The following GSE1 variants were observed in gnomAD, a reference collection of about 807,000 sequenced individuals.
GSE1 encodes the protein Gse1 coiled-coil protein.
A neutral mutation model predicts 112.6 loss-of-function variants in GSE1; 32 were observed. That is an observed-to-expected ratio of 0.28 (90% CI 0.21 to 0.38). GSE1 has a LOEUF of 0.38. GSE1 is among the 10% of genes least tolerant of loss of function. The pLI is 1.00. For synonymous variants in GSE1, 1,115 were observed against 735.6 expected (o/e 1.52, Z -8.35); for missense variants, 2,348 against 1,699.2 (o/e 1.38, Z -6.71).
intron 1 of GSE1, among the ~76,000 whole-genome samples, chr16:85,350,286 G>A (rs1979506): frequency 0.34 from 52,264 of 151,978 alleles, 9,509 homozygotes; most frequent in African/African-American, 0.44. Flanking sequence ...TCAGGCCTAC[G>A]TGTGTTTTAC....
chr16:85,187,966 C>A (rs61243281), intron 1 of GSE1, among the ~76,000 whole-genome samples: 5,580 of 152,340 alleles, frequency 0.037, 224 homozygotes, highest in African/African-American at 0.1. Flanking sequence ...CCTGGACCAC[C>A]CTGGCCTTGT....
At chr16:85,668,117 T>C in intron 13 of GSE1, 23 bp from the exon 14 acceptor site, 1 of 1,537,462 alleles carries the variant, frequency 6.5e-7, no homozygotes, top group Non-Finnish European at 8.8e-7. Context: ...AACACACTGA[T>C]GCAAGCCCTG....
At chr16:85,585,541 C>G (rs956027914) in intron 1 of GSE1, among the ~76,000 whole-genome samples, 1 of 152,332 alleles carries the variant, frequency 6.6e-6, no homozygotes, top group South Asian at 2.1e-4. Context: ...GGGTGTCTTT[C>G]TGCCCAGCTG....
chr16:85,233,902 T>G (rs1904336156), intron 1 of GSE1, among the ~76,000 whole-genome samples: 1 of 152,068 alleles, frequency 6.6e-6, no homozygotes, highest in African/African-American at 2.4e-5. Flanking sequence ...AGGGCCCTCC[T>G]ACCCCTGCCC....
chr16:85,521,002 A>G (rs2052165177), intron 2 of GSE1, among the ~76,000 whole-genome samples: 2 of 152,148 alleles, frequency 1.3e-5, no homozygotes, highest in Non-Finnish European at 2.9e-5. Context: ...GGGGCCGGAA[A>G]GTCTCAGCCG....
At chr16:85,221,226 G>A (rs540231429) in intron 1 of GSE1, among the ~76,000 whole-genome samples, 33 of 152,078 alleles carry the variant, frequency 2.2e-4, no homozygotes, top group African/African-American at 4.1e-4. Flanking sequence ...GCGGGGGGCC[G>A]GGCTGTGCGA....
At chr16:85,315,910 AC>A (rs2045975065) in intron 1 of GSE1, among the ~76,000 whole-genome samples, 1 of 151,136 alleles carries the variant, frequency 6.6e-6, no homozygotes, top group Non-Finnish European at 1.5e-5. Context: ...ACGCCAGAGC[AC>A]GGTGAAGCCC....
intron 1 of GSE1, among the ~76,000 whole-genome samples, chr16:85,264,726 C>T (rs77803920): frequency 0.021 from 3,159 of 152,268 alleles, 62 homozygotes; most frequent in African/African-American, 0.043. Context: ...GCTGGTGTCC[C>T]AGTGTGTGTA....
Position 85,419,165 on chromosome 16 carries a change from G to A in GSE1, c.2464+61522G>A, listed in dbSNP as rs144207375. On this transcript the variant is annotated intron_variant, in intron 2 of 2. Transcript: ENST00000637419. This position sits in a 1 kb window ranked among gnomAD's most constrained non-coding sequence, Gnocchi z 6.5. ...GTGACGTGATGGGAGCCCAGGCACC[G>A]AGCCTGGGGATTCTGACAGTCAGAG... Among the ~76,000 whole-genome samples, 65 of 152,278 alleles carry A rather than the reference G, an allele frequency of 4.3e-4. No homozygotes were observed. In the East Asian group the frequency reaches 0.01, roughly 24 times the overall value.
intron 1 of GSE1, among the ~76,000 whole-genome samples, chr16:85,266,471 G>A (rs1021587731): frequency 1.3e-5 from 2 of 152,118 alleles, no homozygotes; most frequent in Admixed American, 6.5e-5. Flanking sequence ...GAGGGTCTCC[G>A]GCACAAGGAC....
At chr16:85,246,830 G>C (rs988617659) in intron 1 of GSE1, among the ~76,000 whole-genome samples, 2 of 152,090 alleles carry the variant, frequency 1.3e-5, no homozygotes, top group East Asian at 3.9e-4. Context: ...AGAGGAAGGG[G>C]GTGCTCAGGA....
intron 2 of GSE1, among the ~76,000 whole-genome samples, chr16:85,412,748 C>T (rs71372916): frequency 7.0e-4 from 99 of 140,992 alleles, no homozygotes; most frequent in East Asian, 4.7e-3. Flanking sequence ...TAATCCTCAC[C>T]GTTGCACTCA....
intron 1 of GSE1, among the ~76,000 whole-genome samples, chr16:85,326,835 G>C (rs1228994144): frequency 1.3e-5 from 2 of 152,214 alleles, no homozygotes; most frequent in African/African-American, 4.8e-5. Context: ...GTGGGGTCCC[G>C]ATCAGTTTAA....
chr16:85,171,198 C>G (rs749934847), exon 1 of GSE1: 386 of 985,696 alleles, frequency 3.9e-4, no homozygotes, highest in Non-Finnish European at 4.6e-4. Context: ...AGCTCATCAC[C>G]TCCGTGCAGG....
chr16:85,552,266 C>T (rs962252621), upstream of GSE1, among the ~76,000 whole-genome samples: 2 of 149,974 alleles, frequency 1.3e-5, no homozygotes, highest in Non-Finnish European at 3.0e-5. Context: ...ACCTCGTGAT[C>T]CGTCCGCCTC....
chr16:85,337,430 T>C (rs9934425), intron 1 of GSE1, among the ~76,000 whole-genome samples: 99,010 of 126,686 alleles, frequency 0.78, 36,869 homozygotes, highest in Middle Eastern at 0.93. Flanking sequence ...CTCAGCCTCC[T>C]GAGTAGCTGG....
intron 2 of GSE1, among the ~76,000 whole-genome samples, chr16:85,515,086 C>T (rs937273220): frequency 4.6e-5 from 7 of 152,196 alleles, no homozygotes; most frequent in East Asian, 1.9e-4. Context: ...TGTGTGCACA[C>T]GTGTCAGGGG....
chr16:85,346,689 T>G (rs1042844189), intron 1 of GSE1, among the ~76,000 whole-genome samples: 1 of 150,658 alleles, frequency 6.6e-6, no homozygotes, highest in Admixed American at 6.6e-5. Flanking sequence ...GGTGGATGGA[T>G]GAGTGATTGA....
chr16:85,532,756 T>C (rs968693070), intron 2 of GSE1, among the ~76,000 whole-genome samples: 1 of 152,256 alleles, frequency 6.6e-6, no homozygotes, highest in Non-Finnish European at 1.5e-5. Context: ...TGGAGAATTC[T>C]GGCATACCTG....
Sources: allele counts gnomAD v4.1 joint callset (sites outside exome capture counted in the v4.1 genomes callset), GRCh38; gene constraint gnomAD v4.1.1; non-coding constraint Gnocchi (gnomAD v3.1); transcripts MANE v1.5; gene names NCBI Gene and HGNC (gene_info 2026-07-23, HGNC 2026-07-21).